Variants in SARS2 observed in about 807,000 individuals in gnomAD.
The protein encoded by SARS2 is serine--tRNA ligase, mitochondrial.
In SARS2, 52 loss-of-function variants were observed where a neutral mutation model predicts 66.8. The observed-to-expected ratio is 0.78, with a 90% confidence interval of 0.62 to 0.98. The LOEUF (loss-of-function observed/expected upper bound fraction) is 0.98. Among genes scored for constraint, SARS2 ranks in the 50% least tolerant of loss-of-function variants. The pLI is 0.00. For synonymous variants in SARS2, 306 were observed against 281.4 expected, an observed-to-expected ratio of 1.09 and a Z score of -0.87; for missense variants, 673 against 706.3, an observed-to-expected ratio of 0.95 and a Z score of 0.53.
chr19:38,926,344 C>T, intron 1 of SARS2, 44 bp from the exon 2 acceptor site: 1 of 1,574,536 alleles, frequency 6.4e-7, no homozygotes, highest in Non-Finnish European at 8.6e-7. Context: ...AGCCATCACC[C>T]CTACCCTTCT....
At chr19:38,921,760 G>A (rs1407568177) in intron 3 of SARS2, 93 bp from the exon 4 acceptor site, 2 of 1,526,772 alleles carry the variant, frequency 1.3e-6, no homozygotes, top group East Asian at 2.3e-5. Context: ...CCCCTGTGGT[G>A]GACATTCATG....
At chr19:38,918,345 C>T (rs1038709279) in intron 9 of SARS2, 77 bp downstream of exon 9, 2 of 1,381,438 alleles carry the variant, frequency 1.4e-6, no homozygotes, top group South Asian at 2.3e-5. Flanking sequence ...GGTGATCCCC[C>T]CCAGTGCTCC....
At position 38,921,626 on chromosome 19, in the gene SARS2, G is replaced by T; in HGVS notation, c.435C>A (p.Ile145=). Residue 145 remains isoleucine, a synonymous_variant, in exon 4 of 16, where the codon ATC becomes ATA. Coordinates refer to ENST00000221431, the MANE Select transcript of SARS2 (RefSeq NM_017827.4). ...YQGLRARGRE[I]RKELVHLYPR... Reference sequence around the variant, plus strand: ...GGTACAGGTGAACAAGCTCCTTCCGGATCTCCCGGCCACGTGCCCGCAGAC... The same window carrying T: ...GGTACAGGTGAACAAGCTCCTTCCGTATCTCCCGGCCACGTGCCCGCAGAC... 6.2e-7 allele frequency: 1 copy of T among 1,614,216 alleles called. No homozygotes were observed. Among genetic ancestry groups the T allele is most frequent in the Non-Finnish European group, 8.5e-7 (1 of 1,180,026 alleles).
chr19:38,916,247 T>A lies in SARS2; in HGVS notation c.1228A>T (p.Met410Leu). Residue 410 changes from methionine to leucine, a missense_variant, in exon 13 of 16, where the codon ATG becomes TTG. Physicochemically the swap from Met to Leu is conservative, Grantham distance 15. Coordinates refer to ENST00000221431, the MANE Select transcript of SARS2 (RefSeq NM_017827.4). The part of the protein sequence containing the change: ...AYRKFDIEAW[M>L]PGRGRFGEVT... ...TCTCCAAAGCGGCCTCGGCCTGGCA[T>A]CCAGGCCTCAATGTCAAACTTGCGG... 1 of 1,614,022 alleles carries A rather than the reference T, an allele frequency of 6.2e-7. No individual in the cohort carries two copies. The highest frequency in any genetic ancestry group is 1.1e-5 in the South Asian group (1 of 91,084).
At chr19:38,924,929 G>A (rs767313587) in intron 2 of SARS2, among the ~76,000 whole-genome samples, 10 of 152,194 alleles carry the variant, frequency 6.6e-5, no homozygotes, top group South Asian at 2.1e-4. Flanking sequence ...CTGGTATGGT[G>A]TGTAGCGACT....
chr19:38,930,160 C>T (rs1974706969), intron 1 of SARS2: 2 of 359,056 alleles, frequency 5.6e-6, no homozygotes, highest in South Asian at 8.2e-5. Flanking sequence ...GAAAGGCTGG[C>T]ATGAGGTTGC....
intron 3 of SARS2, 167 bp from the exon 4 acceptor site, chr19:38,921,834 G>A (rs1450878053): frequency 2.3e-6 from 3 of 1,317,808 alleles, no homozygotes; most frequent in Middle Eastern, 2.1e-4. Flanking sequence ...CACATGGCAG[G>A]TTTGTGGGGA....
intron 5 of SARS2, among the ~76,000 whole-genome samples, chr19:38,920,712 C>T (rs200640332): frequency 1.3e-5 from 2 of 151,304 alleles, no homozygotes; most frequent in East Asian, 3.9e-4. Context: ...AAGACAGACA[C>T]GCACACACAG....
In SARS2 at chr19:38,915,835, C is replaced by T. The variant is rs1190531230; in HGVS notation, c.1413+6G>A. 6.2e-6 allele frequency: 10 copies of T among 1,613,556 alleles called. No homozygotes were observed. The South Asian group carries it at 1.1e-4, about 18-fold the overall frequency. On this transcript the variant is annotated splice_donor_region_variant and intron_variant, in intron 15 of 15. Coordinates refer to ENST00000221431, the MANE Select transcript of SARS2 (RefSeq NM_017827.4). Reference sequence around the variant, plus strand: ...GCCTCTCTGGGTGGGCCCCTCAGCCCCTCACCTTCTGCTGGTTACTCTCCA... The same window carrying T: ...GCCTCTCTGGGTGGGCCCCTCAGCCTCTCACCTTCTGCTGGTTACTCTCCA...
intron 1 of SARS2, among the ~76,000 whole-genome samples, chr19:38,929,497 G>A (rs1974691873): frequency 2.0e-5 from 3 of 150,938 alleles, no homozygotes; most frequent in African/African-American, 4.9e-5. Context: ...CAAGGTTCCA[G>A]TGAGCTATAA....
Position 38,915,895 on chromosome 19 carries a change from G to A in SARS2, c.1359C>T (p.Thr453=), listed in dbSNP as rs771924992. Residue 453 remains threonine, a synonymous_variant, in exon 15 of 16, where the codon ACC becomes ACT. Coordinates refer to ENST00000221431, the MANE Select transcript of SARS2 (RefSeq NM_017827.4). ...TGAGAAGGCGGGGGACAGCACAGGC[G>A]GTGGCGTTCACCTGTGAGACAGCCA... The part of the protein sequence containing the change: ...ELQFAHTVNA[T]ACAVPRLLIA... 76 of 1,613,718 alleles carry A rather than the reference G, an allele frequency of 4.7e-5. No individual in the cohort carries two copies. The highest frequency in any genetic ancestry group is 2.7e-4 in the South Asian group (25 of 91,082).
At chr19:38,928,460 A>G (rs1245608651) in intron 1 of SARS2, 1 of 145,774 alleles carries the variant, frequency 6.9e-6, no homozygotes, top group Non-Finnish European at 1.5e-5. Context: ...GCACTTTACA[A>G]ATGAAAGAGA....
chr19:38,923,951 G>A (rs1267946957), intron 2 of SARS2, among the ~76,000 whole-genome samples: 1 of 145,702 alleles, frequency 6.9e-6, no homozygotes, highest in South Asian at 2.2e-4. Context: ...TCTGGCCTAG[G>A]TGGAAGAGCG....
chr19:38,918,937 A>C, intron 7 of SARS2, 124 bp from the exon 8 acceptor site: 1 of 933,696 alleles, frequency 1.1e-6, no homozygotes, highest in Admixed American at 2.1e-5. Context: ...GGGCTGGCGC[A>C]GTGGCTCACC....
intron 6 of SARS2, 34 bp downstream of exon 6, chr19:38,920,052 G>T: frequency 6.5e-7 from 1 of 1,542,670 alleles, no homozygotes; most frequent in Non-Finnish European, 8.8e-7. Context: ...AGGCAGCTGG[G>T]AGAGGGGCGT....
In SARS2 at chr19:38,921,414, G is replaced by A. The variant is rs1974532636; in HGVS notation, c.567C>T (p.Leu189=). 6.2e-7 allele frequency: 1 copy of A among 1,613,820 alleles called. No individual in the cohort carries two copies. ...CACCTGGCTTGTCTCCGACCATGTG[G>A]AGCACTCGAGCCTGGCTCTCATCCC... ...PVGDESQARV[L]HMVGDKPVFS... is the part of the protein sequence containing the mutation. The change falls in exon 5 of 16, where the codon CTC becomes CTT. Residue 189 remains leucine (L), a synonymous_variant. Coordinates refer to ENST00000221431, the MANE Select transcript of SARS2 (RefSeq NM_017827.4).
Position 38,917,764 on chromosome 19 carries a change from G to C in SARS2, c.1120C>G (p.Leu374Val). 6.2e-7 allele frequency: 1 copy of C among 1,602,214 alleles called. No individual in the cohort carries two copies. Among genetic ancestry groups the C allele is most frequent in the South Asian group, 1.1e-5 (1 of 90,946 alleles). The change falls in exon 12 of 16, where the codon CTT (leucine) becomes GTT (valine). Residue 374 changes from leucine (L) to valine (V), a missense_variant. Leu to Val is a conservative substitution (Grantham distance 32). Coordinates refer to ENST00000221431, the MANE Select transcript of SARS2 (RefSeq NM_017827.4). ...SSQLLEEFLS[L>V]QMEILTELGL... ...AGCTCTGTCAAGATCTCCATCTGAAGGGACAGGAACTCCTCCAGCAGCTGT... is the reference window on the plus strand; with the variant it reads ...AGCTCTGTCAAGATCTCCATCTGAACGGACAGGAACTCCTCCAGCAGCTGT...
chr19:38,917,682 C>CCCCACCCCCG, intron 12 of SARS2, 42 bp downstream of exon 12: 1 of 701,526 alleles, frequency 1.4e-6, no homozygotes, highest in South Asian at 1.4e-5. Context: ...CCCTCCCCTA[C>CCCCACCCCCG]CCCACCCCTG....
At chr19:38,918,864 CA>C in intron 7 of SARS2, 51 bp from the exon 8 acceptor site, 1 of 1,530,974 alleles carries the variant, frequency 6.5e-7, no homozygotes. Flanking sequence ...TACCAGACCC[CA>C]AGCTCAGCCC....
Sources: allele counts gnomAD v4.1 joint callset (sites outside exome capture counted in the v4.1 genomes callset), GRCh38; gene constraint gnomAD v4.1.1; transcripts MANE v1.5; gene names NCBI Gene and HGNC (gene_info 2026-07-23, HGNC 2026-07-21).